FADS2: variants seen among roughly 807,000 people sequenced by gnomAD.
FADS2 encodes the protein acyl-CoA 6-desaturase.
Under a neutral mutation model 61.2 loss-of-function variants are expected in FADS2, and 18 were observed. That is an observed-to-expected ratio of 0.29 (90% CI 0.20 to 0.44). The LOEUF (loss-of-function observed/expected upper bound fraction) is 0.44. FADS2 is among the 20% of genes least tolerant of loss of function. The pLI, the probability that FADS2 is intolerant of heterozygous loss-of-function variation, is 1.00. For synonymous variants in FADS2, 203 were observed against 223.9 expected, an observed-to-expected ratio of 0.91 and a Z score of 0.83; for missense variants, 322 against 572.7, an observed-to-expected ratio of 0.56 and a Z score of 4.47.
chr11:61,836,038 C>A (rs174576), intron 1 of FADS2, among the ~76,000 whole-genome samples: 53,127 of 152,086 alleles, frequency 0.35, 10,070 homozygotes, highest in East Asian at 0.55. Context: ...GGTATAACTT[C>A]TTTTTTCCTT....
chr11:61,824,974 C>T (rs1350803962), upstream of FADS2, among the ~76,000 whole-genome samples: 2 of 151,230 alleles, frequency 1.3e-5, no homozygotes, highest in African/African-American at 4.9e-5. Context: ...GGGCAGATCA[C>T]GAGGTCAGAA....
chr11:61,864,115 C>A, intron 10 of FADS2: 1 of 289,010 alleles, frequency 3.5e-6, no homozygotes, highest in Admixed American at 4.7e-5. Flanking sequence ...GGCAGGGCTA[C>A]GTAGCTTGCC....
intron 7 of FADS2, among the ~76,000 whole-genome samples, chr11:61,857,758 C>A (rs987732974): frequency 6.6e-6 from 1 of 152,140 alleles, no homozygotes. Flanking sequence ...CTGGGGCAGC[C>A]CCTGCTTTTG....
intron 1 of FADS2, among the ~76,000 whole-genome samples, chr11:61,820,843 TGA>T: frequency 6.6e-6 from 1 of 152,254 alleles, no homozygotes; most frequent in South Asian, 2.1e-4. Context: ...AAGGTTGCAG[TGA>T]GCCGAGATTG....
intron 2 of FADS2, among the ~76,000 whole-genome samples, chr11:61,839,306 T>G (rs1296074511): frequency 6.6e-6 from 1 of 151,820 alleles, no homozygotes; most frequent in Non-Finnish European, 1.5e-5. Flanking sequence ...GCAAGTTTTA[T>G]TTTTCTTTTC....
At chr11:61,845,784 CAA>C (rs548433908) in intron 4 of FADS2, among the ~76,000 whole-genome samples, 21,721 of 83,728 alleles carry the variant, frequency 0.26, 2,026 homozygotes, top group East Asian at 0.48. Context: ...AACTCTGTCT[CAA>C]AAAAAAAAAA....
chr11:61,836,627 C>T (rs1002451620), intron 1 of FADS2, among the ~76,000 whole-genome samples: 5 of 152,186 alleles, frequency 3.3e-5, no homozygotes, highest in African/African-American at 9.7e-5. Flanking sequence ...CCTCTGCCTC[C>T]CAAAGTGCTG....
At position 61,863,497 on chromosome 11, in the gene FADS2, T is replaced by C. The variant is rs73489307; in HGVS notation, c.1077+119T>C. The C allele has an allele frequency of 9.4e-3, 8,040 of 853,218 alleles. 242 individuals are homozygous for C. Among genetic ancestry groups the C allele is most frequent in the East Asian group, 0.052 (2,040 of 39,346 alleles). The allele number at this position is 853,218 out of a possible 1,614,324, so 52.9% of individuals were successfully genotyped here. The stretch of plus-strand genomic sequence containing the variant: ...GCCTCCCGGGGCTGCCTGTGTCCTT[T>C]TGCTGGGAGCTTCAGGGCTGAGCAA... On this transcript the variant is annotated intron_variant, in intron 9 of 11. Transcript: ENST00000278840.
intron 1 of FADS2, chr11:61,829,450 C>T (rs2067109807): frequency 6.6e-6 from 1 of 152,260 alleles, no homozygotes; most frequent in African/African-American, 2.4e-5. Context: ...GTGGGCCTCT[C>T]TGGAGCCATT....
At position 61,828,594 on chromosome 11, in the gene FADS2, A is replaced by C; in HGVS notation, c.204A>C (p.Ala68=). ...TCGGGCACTACGCTGGAGAAGATGC[A>C]ACGGTAAGGGTCTGGGGGCGCCCCA... is the stretch of plus-strand genomic sequence containing the variant. The part of the protein sequence containing the change: ...RVIGHYAGED[A]TDAFRAFHPD... The change falls in exon 1 of 12, where the codon GCA becomes GCC. Residue 68 remains alanine, a synonymous_variant. Coordinates refer to ENST00000278840, the MANE Select transcript of FADS2 (RefSeq NM_004265.4). This position sits in a 1 kb window ranked among gnomAD's most constrained non-coding sequence, Gnocchi z 6.4. 1 of 1,613,300 alleles carries C rather than the reference A, an allele frequency of 6.2e-7. No homozygotes were observed. The highest frequency in any genetic ancestry group is 8.5e-7 in the Non-Finnish European group (1 of 1,179,706).
intron 1 of FADS2, among the ~76,000 whole-genome samples, chr11:61,829,585 C>T (rs2067110842): frequency 6.6e-6 from 1 of 151,846 alleles, no homozygotes; most frequent in Admixed American, 6.6e-5. Flanking sequence ...CCCATGGATT[C>T]GAATGGGCCA....
intron 5 of FADS2, 32 bp from the exon 6 acceptor site, chr11:61,856,979 C>A (rs1232275685): frequency 5.7e-6 from 9 of 1,591,826 alleles, no homozygotes; most frequent in Non-Finnish European, 7.8e-6. Flanking sequence ...GCTGAGGCTA[C>A]TGGGTGCTCA....
At chr11:61,861,660 G>A (rs2067417765) in intron 7 of FADS2, among the ~76,000 whole-genome samples, 1 of 152,210 alleles carries the variant, frequency 6.6e-6, no homozygotes, top group Non-Finnish European at 1.5e-5. Context: ...GTGAGGTCCT[G>A]CCCTCGGCCA....
At chr11:61,861,358 A>AAAAAAAAC (rs2067413609) in intron 7 of FADS2, among the ~76,000 whole-genome samples, 1 of 93,752 alleles carries the variant, frequency 1.1e-5, no homozygotes, top group African/African-American at 3.8e-5. Context: ...CCTCTCAAAA[A>AAAAAAAAC]AAAAAAAAAA....
At position 61,816,847 on chromosome 11, in the gene FADS2, C is replaced by T. The variant is rs773233291; in HGVS notation, c.141+421C>T. On this transcript the variant is annotated intron_variant, in intron 1 of 11. Transcript: ENST00000257261. This position sits in a 1 kb window ranked among gnomAD's most constrained non-coding sequence, Gnocchi z 7.0. ...CGGGCTCCAGGAGTGGATTTGCTGG[C>T]GCGCGCCCAGAGCCAGCCGCCTGCG... The T allele has an allele frequency of 8.1e-6, 12 of 1,486,260 alleles. No individual in the cohort carries two copies. The highest frequency in any genetic ancestry group is 7.7e-5 in the South Asian group (6 of 78,228). The allele number at this position is 1,486,260 out of a possible 1,614,324, so 92.1% of individuals were successfully genotyped here. A position where few individuals can be genotyped will look rare whatever the true frequency, so the allele number is the denominator to read the frequency against.
chr11:61,832,219 G>T lies in FADS2; in HGVS notation c.207+3622G>T, dbSNP rs185165057. On this transcript the variant is annotated intron_variant, in intron 1 of 11. Transcript: ENST00000278840. ...GAAGGTGAGAAGAGACCAGAGGTTT[G>T]TTCCACCTTTCAACCTGCTCCTATG... 5.3e-5 allele frequency among the ~76,000 whole-genome samples: 8 copies of T among 152,356 alleles called. No individual in the cohort carries two copies. The East Asian group carries it at 1.5e-3, about 29-fold the overall frequency.
chr11:61,865,712 T>C lies in FADS2; in HGVS notation c.*23T>C. 1.2e-6 allele frequency: 2 copies of C among 1,600,448 alleles called. No individual in the cohort carries two copies. Among genetic ancestry groups the C allele is most frequent in the Non-Finnish European group, 1.7e-6 (2 of 1,170,772 alleles). On this transcript the variant is annotated 3_prime_UTR_variant, in exon 12 of 12. Transcript: ENST00000278840. This position sits in a 1 kb window ranked among gnomAD's most constrained non-coding sequence, Gnocchi z 4.1. The stretch of plus-strand genomic sequence containing the variant: ...TGAAGCCACAGCCCCCGGGACACCG[T>C]GGGGAAGGGGTGCAGGTGGGGTGAT...
upstream of FADS2, chr11:61,828,094 C>G (rs1057237194): frequency 1.6e-5 from 21 of 1,290,642 alleles, no homozygotes; most frequent in Non-Finnish European, 2.1e-5. This position sits in a 1 kb window ranked among gnomAD's most constrained non-coding sequence, Gnocchi z 6.4. Flanking sequence ...CCTGAGCTCC[C>G]GGGGAGTTTT....
At chr11:61,861,353 C>A (rs79167040) in intron 7 of FADS2, among the ~76,000 whole-genome samples, 14 of 29,742 alleles carry the variant, frequency 4.7e-4, no homozygotes, top group African/African-American at 7.6e-4. Context: ...GACTCCCTCT[C>A]AAAAAAAAAA....
Sources: gnomAD v4.1 joint callset for allele counts (sites outside exome capture counted in the v4.1 genomes callset) on GRCh38, gnomAD v4.1.1 for gene constraint, Gnocchi (gnomAD v3.1) non-coding constraint, MANE v1.5 for transcripts, NCBI Gene and HGNC (gene_info 2026-07-23, HGNC 2026-07-21) for gene names.